Variants in NAALADL2 observed in about 807,000 individuals in gnomAD.
NAALADL2 encodes the protein inactive N-acetylated-alpha-linked acidic dipeptidase-like protein 2.
In NAALADL2, 76 loss-of-function variants were observed where a neutral mutation model predicts 87.2. That is an observed-to-expected ratio of 0.87 (90% confidence interval 0.72 to 1.05). The LOEUF (loss-of-function observed/expected upper bound fraction) is 1.05, where lower values mean the gene tolerates loss of function less well. Among genes scored for constraint, NAALADL2 ranks in the 50% least tolerant of loss-of-function variants. The pLI is 0.00. For synonymous variants in NAALADL2, 354 were observed against 331.0 expected (o/e 1.07, Z -0.75); for missense variants, 1,089 against 945.8 (o/e 1.15, Z -1.99).
intron 3 of NAALADL2, among the ~76,000 whole-genome samples, chr3:174,852,938 G>A (rs1725416584): frequency 6.6e-6 from 1 of 152,056 alleles, no homozygotes; most frequent in African/African-American, 2.4e-5. Flanking sequence ...TGACAAAGTT[G>A]CCAAGAACAT....
At chr3:175,406,967 G>T (rs1308519619) in intron 5 of NAALADL2, among the ~76,000 whole-genome samples, 1 of 152,050 alleles carries the variant, frequency 6.6e-6, no homozygotes. Context: ...GATCATCAGA[G>T]ATCAGGATTT....
At chr3:175,276,097 TA>T (rs1284686225) in intron 4 of NAALADL2, among the ~76,000 whole-genome samples, 1 of 151,110 alleles carries the variant, frequency 6.6e-6, no homozygotes, top group African/African-American at 2.4e-5. Flanking sequence ...TAACATTTAT[TA>T]AAAAATTTCT....
At chr3:174,763,231 T>C (rs936401754) in intron 3 of NAALADL2, among the ~76,000 whole-genome samples, 6 of 152,086 alleles carry the variant, frequency 3.9e-5, no homozygotes, top group African/African-American at 1.4e-4. Flanking sequence ...CAGAGTGATA[T>C]ATGAATATAA....
chr3:174,555,582 G>A (rs561256256), intron 2 of NAALADL2, among the ~76,000 whole-genome samples: 9 of 152,334 alleles, frequency 5.9e-5, no homozygotes, highest in African/African-American at 1.9e-4. Context: ...TTACAGGCAT[G>A]AGCCTCCGCG....
intron 9 of NAALADL2, among the ~76,000 whole-genome samples, chr3:175,473,930 A>T (rs1488568212): frequency 6.6e-6 from 1 of 152,158 alleles, no homozygotes; most frequent in Non-Finnish European, 1.5e-5. Context: ...CAGTAGTGGG[A>T]TTGCTGTGTT....
At chr3:174,843,155 T>C (rs1427414254) in intron 3 of NAALADL2, among the ~76,000 whole-genome samples, 2 of 152,170 alleles carry the variant, frequency 1.3e-5, no homozygotes, top group Admixed American at 6.6e-5. Context: ...CATTATACGA[T>C]ATTGTTAACC....
chr3:174,882,634 TA>T, intron 1 of NAALADL2, among the ~76,000 whole-genome samples: 1 of 89,578 alleles, frequency 1.1e-5, no homozygotes, highest in Admixed American at 1.3e-4. Context: ...TATGTGCATA[TA>T]CACATATGTG....
intron 10 of NAALADL2, among the ~76,000 whole-genome samples, chr3:175,621,254 AT>A (rs2149700755): frequency 6.6e-6 from 1 of 152,248 alleles, no homozygotes; most frequent in African/African-American, 2.4e-5. Flanking sequence ...ACCATCACCC[AT>A]TCCCCCTCCT....
intron 1 of NAALADL2, among the ~76,000 whole-genome samples, chr3:175,089,865 C>T (rs184841054): frequency 6.6e-6 from 1 of 152,124 alleles, no homozygotes; most frequent in Non-Finnish European, 1.5e-5. Flanking sequence ...TGTAGACAAC[C>T]CTCTTTGCTA....
At chr3:174,983,020 G>A (rs905955612) in intron 1 of NAALADL2, among the ~76,000 whole-genome samples, 1 of 152,096 alleles carries the variant, frequency 6.6e-6, no homozygotes, top group African/African-American at 2.4e-5. Context: ...GGATGGTCTC[G>A]ATCTCCTGAC....
intron 1 of NAALADL2, among the ~76,000 whole-genome samples, chr3:174,981,559 TTAATAAATAATG>T (rs1194529325): frequency 2.0e-5 from 3 of 152,146 alleles, no homozygotes; most frequent in Non-Finnish European, 4.4e-5. Context: ...CATATAGAGT[TTAATAAATAATG>T]TAATAAATAA....
intron 2 of NAALADL2, among the ~76,000 whole-genome samples, chr3:175,226,872 C>A (rs1264464207): frequency 6.6e-6 from 1 of 152,050 alleles, no homozygotes; most frequent in East Asian, 1.9e-4. Context: ...ATTTTCAAAG[C>A]AAAATTATGA....
At chr3:175,553,614 C>T (rs1714781577) in intron 9 of NAALADL2, among the ~76,000 whole-genome samples, 1 of 148,918 alleles carries the variant, frequency 6.7e-6, no homozygotes, top group South Asian at 2.1e-4. Flanking sequence ...CTTCAAAAAG[C>T]ACAGCTCCTG....
chr3:175,794,702 G>A (rs1354221596), intron 13 of NAALADL2, among the ~76,000 whole-genome samples: 2 of 152,108 alleles, frequency 1.3e-5, no homozygotes, highest in East Asian at 3.9e-4. Context: ...ACAGTCCTCT[G>A]CTCTATTTTA....
intron 1 of NAALADL2, among the ~76,000 whole-genome samples, chr3:174,996,048 G>A (rs1487628367): frequency 6.6e-6 from 1 of 152,070 alleles, no homozygotes; most frequent in African/African-American, 2.4e-5. Flanking sequence ...AATTTTCTTC[G>A]AGTTAAGGTC....
intron 9 of NAALADL2, among the ~76,000 whole-genome samples, chr3:175,488,992 G>T (rs1333985540): frequency 6.6e-6 from 1 of 152,014 alleles, no homozygotes; most frequent in African/African-American, 2.4e-5. Context: ...CAGTTGCTGG[G>T]GCTTAACAGA....
chr3:174,683,726 G>C (rs1222222010), intron 2 of NAALADL2, among the ~76,000 whole-genome samples: 1 of 11,374 alleles, frequency 8.8e-5, no homozygotes, highest in Non-Finnish European at 1.7e-4. Context: ...CAAAATATAA[G>C]AGAAGAATGA....
chr3:175,363,190 C>G, intron 5 of NAALADL2, among the ~76,000 whole-genome samples: 1 of 147,240 alleles, frequency 6.8e-6, no homozygotes, highest in South Asian at 2.2e-4. Context: ...GGATCTCTTT[C>G]TTGAACTCTG....
chr3:174,924,992 T>G (rs1735782402), intron 1 of NAALADL2, among the ~76,000 whole-genome samples: 1 of 152,308 alleles, frequency 6.6e-6, no homozygotes, highest in South Asian at 2.1e-4. Flanking sequence ...ATGAGTAGAT[T>G]GCAAAAATTT....
Sources: gnomAD v4.1 joint callset for allele counts (sites outside exome capture counted in the v4.1 genomes callset) on GRCh38, gnomAD v4.1.1 for gene constraint, MANE v1.5 for transcripts, NCBI Gene and HGNC (gene_info 2026-07-23, HGNC 2026-07-21) for gene names.